The following SLC38A11 variants were observed in gnomAD, a reference collection of about 807,000 sequenced individuals.
The protein encoded by SLC38A11 is putative sodium-coupled neutral amino acid transporter 11.
In SLC38A11, 51 loss-of-function variants were observed where a neutral mutation model predicts 49.4. The ratio of observed to expected loss-of-function variants is 1.03; its 90% confidence interval spans 0.83 to 1.30. The LOEUF (loss-of-function observed/expected upper bound fraction) is 1.30. SLC38A11 is among the 50% of genes most tolerant of loss of function. The pLI is 0.00. For synonymous variants in SLC38A11, 203 were observed against 192.9 expected (o/e 1.05, Z -0.43); for missense variants, 574 against 556.2 (o/e 1.03, Z -0.32).
At chr2:164,939,606 G>T (rs1227816220) in intron 5 of SLC38A11, 50 bp from the exon 6 acceptor site, 2 of 1,183,086 alleles carry the variant, frequency 1.7e-6, no homozygotes, top group Admixed American at 3.8e-5. Flanking sequence ...GTAACACATT[G>T]GTGACACACT....
At chr2:164,922,172 C>T (rs1237503738) in intron 7 of SLC38A11, 1 of 152,194 alleles carries the variant, frequency 6.6e-6, no homozygotes, top group Non-Finnish European at 1.5e-5. Flanking sequence ...AGAACTTAAA[C>T]CTCTGGATCA....
intron 4 of SLC38A11, among the ~76,000 whole-genome samples, chr2:164,945,306 T>C (rs1574001674): frequency 6.6e-6 from 1 of 151,884 alleles, no homozygotes; most frequent in Admixed American, 6.6e-5. Flanking sequence ...GTGTTATTTC[T>C]CTTGTTCACT....
intron 3 of SLC38A11, among the ~76,000 whole-genome samples, chr2:164,947,903 A>T (rs988304553): frequency 6.6e-6 from 1 of 152,098 alleles, no homozygotes; most frequent in Non-Finnish European, 1.5e-5. Context: ...ACCCCCTAAT[A>T]GTTCTTTTAC....
At chr2:164,935,243 T>A (rs1687281565) in intron 7 of SLC38A11, among the ~76,000 whole-genome samples, 1 of 150,770 alleles carries the variant, frequency 6.6e-6, no homozygotes. Flanking sequence ...TGGCAGCAGG[T>A]GCTAATTCAG....
chr2:164,909,947 C>T (rs1308508443), intron 10 of SLC38A11, among the ~76,000 whole-genome samples: 3 of 152,060 alleles, frequency 2.0e-5, no homozygotes, highest in Non-Finnish European at 4.4e-5. Context: ...TATTTAAGAT[C>T]CATTCTTACA....
chr2:164,923,516 A>G (rs1414881335), intron 7 of SLC38A11, among the ~76,000 whole-genome samples: 1 of 152,212 alleles, frequency 6.6e-6, no homozygotes, highest in Non-Finnish European at 1.5e-5. Flanking sequence ...AATCAAAACC[A>G]CAATGAGATA....
At chr2:164,911,841 A>G (rs1195819810) in intron 9 of SLC38A11, 93 bp from the exon 10 acceptor site, 5 of 619,948 alleles carry the variant, frequency 8.1e-6, no homozygotes, top group Non-Finnish European at 1.3e-5. Flanking sequence ...ACAGTTATGC[A>G]TCACCTAATG....
At chr2:164,941,403 A>G (rs1399578005) in intron 5 of SLC38A11, among the ~76,000 whole-genome samples, 1 of 152,144 alleles carries the variant, frequency 6.6e-6, no homozygotes, top group African/African-American at 2.4e-5. Context: ...GAGCTTTGGT[A>G]AGAATTTTAT....
At position 164,945,218 on chromosome 2, in the gene SLC38A11, C is replaced by A. The variant is rs186830186; in HGVS notation, c.364+375G>T. ...CCATTATGGTATAAACTTTAAATAG[C>A]ACATTGGCCTAGTACACGGCTTCCA... is the stretch of plus-strand genomic sequence containing the variant. On this transcript the variant is annotated intron_variant, in intron 4 of 11. Coordinates refer to ENST00000685975, the MANE Select transcript of SLC38A11 (RefSeq NM_001351537.2). Among the ~76,000 whole-genome samples the A allele has an allele frequency of 3.0e-4, 45 of 150,048 alleles. 1 individual carries two copies. Among genetic ancestry groups the A allele is most frequent in the African/African-American group, 9.5e-4 (39 of 40,928 alleles).
chr2:164,903,183 A>AAT (rs1486140434), intron 11 of SLC38A11, among the ~76,000 whole-genome samples: 1 of 24,654 alleles, frequency 4.1e-5, no homozygotes, highest in Non-Finnish European at 1.6e-4. Flanking sequence ...TTCAAATACA[A>AAT]ATGTGTGTGT....
intron 7 of SLC38A11, among the ~76,000 whole-genome samples, chr2:164,918,492 A>G (rs1211988991): frequency 1.3e-5 from 2 of 152,172 alleles, no homozygotes; most frequent in Admixed American, 6.5e-5. Flanking sequence ...CCTTTACTGG[A>G]TAAGGAATGT....
intron 5 of SLC38A11, among the ~76,000 whole-genome samples, 178 bp from the exon 6 acceptor site, chr2:164,939,734 T>C (rs1163935783): frequency 6.9e-6 from 1 of 145,818 alleles, no homozygotes; most frequent in Admixed American, 7.3e-5. Flanking sequence ...ATCACAAAAA[T>C]ACAAACACAA....
chr2:164,935,357 G>C (rs1342619592), intron 7 of SLC38A11, among the ~76,000 whole-genome samples: 4 of 151,810 alleles, frequency 2.6e-5, no homozygotes, highest in Non-Finnish European at 5.9e-5. Context: ...ATATTGAAGT[G>C]AAACAGGTGC....
intron 5 of SLC38A11, among the ~76,000 whole-genome samples, chr2:164,940,656 A>G (rs939142440): frequency 4.6e-5 from 7 of 151,138 alleles, no homozygotes; most frequent in African/African-American, 1.5e-4. Context: ...AAATTTCAAA[A>G]TGACATAAAT....
chr2:164,927,127 G>A (rs72884464), intron 7 of SLC38A11, among the ~76,000 whole-genome samples: 36,917 of 152,070 alleles, frequency 0.24, 5,762 homozygotes, highest in South Asian at 0.46. Flanking sequence ...TGAGTTCAGC[G>A]TCTTTTTGTT....
Position 164,908,770 on chromosome 2 carries a change from A to C in SLC38A11, c.965T>G (p.Val322Gly). 6.2e-7 allele frequency: 1 copy of C among 1,608,242 alleles called. No homozygotes were observed. The highest frequency in any genetic ancestry group is 1.1e-5 in the South Asian group (1 of 89,878). The change falls in exon 11 of 12, where the codon GTA becomes GGA. Residue 322 changes from valine (V) to glycine (G), a missense_variant and splice_region_variant. Transcript: ENST00000685975. ...CCCACCAAAAAACACATTGGCAATT[A>C]CCTGCCGAATAAACAGATTATTTTG... The part of the protein sequence containing the change: ...YPMECFVTRE[V>G]IANVFFGGNL...
chr2:164,928,554 G>A (rs2105482272), intron 7 of SLC38A11, among the ~76,000 whole-genome samples: 1 of 152,242 alleles, frequency 6.6e-6, no homozygotes, highest in Non-Finnish European at 1.5e-5. Context: ...TCTTCTCACA[G>A]TGCTTACAAT....
In SLC38A11 at chr2:164,898,574, T is replaced by C. The variant is rs766839554; in HGVS notation, c.1252A>G (p.Thr418Ala). 7 of 1,613,638 alleles carry C rather than the reference T, an allele frequency of 4.3e-6. No individual in the cohort carries two copies. Among genetic ancestry groups the C allele is most frequent in the South Asian group, 3.3e-5 (3 of 91,076 alleles). The change falls in exon 12 of 12, where the codon ACA becomes GCA. Residue 418 changes from threonine to alanine, a missense_variant. Physicochemically the swap from Thr to Ala is moderately conservative, Grantham distance 58 (BLOSUM62 0). Transcript: ENST00000685975. ...CCATGGGTGCAGTCTTGAGTATTTGTAATAGCCATGACGAATCCAAAAACC... is the reference window on the plus strand; with the variant it reads ...CCATGGGTGCAGTCTTGAGTATTTGCAATAGCCATGACGAATCCAAAAACC... The part of the protein sequence containing the change: ...VMVFGFVMAI[T>A]NTQDCTHGQE...
chr2:164,943,434 T>G (rs1687913147), intron 5 of SLC38A11, among the ~76,000 whole-genome samples: 1 of 152,170 alleles, frequency 6.6e-6, no homozygotes, highest in Non-Finnish European at 1.5e-5. Flanking sequence ...AAACTACTGA[T>G]ATATTGAAAG....
Sources: gnomAD v4.1 joint callset for allele counts (sites outside exome capture counted in the v4.1 genomes callset) on GRCh38, gnomAD v4.1.1 for gene constraint, MANE v1.5 for transcripts, NCBI Gene and HGNC (gene_info 2026-07-23, HGNC 2026-07-21) for gene names.